TSHZ2: variants seen among roughly 807,000 people sequenced by gnomAD.
TSHZ2 encodes the protein teashirt homolog 2.
Under a neutral mutation model 74.4 loss-of-function variants are expected in TSHZ2, and 21 were observed. The ratio of observed to expected loss-of-function variants is 0.28; its 90% CI spans 0.20 to 0.41. The LOEUF (loss-of-function observed/expected upper bound fraction) is 0.41, where lower values mean the gene tolerates loss of function less well. Among genes scored for constraint, TSHZ2 ranks in the 10% least tolerant of loss-of-function variants. TSHZ2 has a pLI of 1.00. For missense variants in TSHZ2, 1,244 were observed against 1,293.5 expected, an observed-to-expected ratio of 0.96 and a Z score of 0.59; for synonymous variants, 540 against 515.3, an observed-to-expected ratio of 1.05 and a Z score of -0.65.
chr20:53,273,132 A>T (rs58293381), intron 2 of TSHZ2, among the ~76,000 whole-genome samples: 1,604 of 152,330 alleles, frequency 0.011, 36 homozygotes, highest in African/African-American at 0.036. Context: ...GAATTGTGGG[A>T]TGAGCATGGG....
intron 1 of TSHZ2, among the ~76,000 whole-genome samples, chr20:53,167,457 A>G (rs1355744393): frequency 1.3e-5 from 2 of 152,156 alleles, no homozygotes; most frequent in Non-Finnish European, 2.9e-5. Flanking sequence ...CTTCAAACCT[A>G]TGTTTGACCC....
intron 2 of TSHZ2, among the ~76,000 whole-genome samples, chr20:53,401,820 T>C (rs1411176783): frequency 6.7e-6 from 1 of 149,130 alleles, no homozygotes; most frequent in Non-Finnish European, 1.5e-5. Flanking sequence ...TCTTGCTCTG[T>C]TGCCGAGGCT....
intron 1 of TSHZ2, chr20:53,185,484 C>T: frequency 7.3e-7 from 1 of 1,371,710 alleles, no homozygotes; most frequent in Non-Finnish European, 9.5e-7. Flanking sequence ...TCAAGACCAG[C>T]CTGGCCAACA....
chr20:52,980,075 A>G (rs1981504274), intron 1 of TSHZ2, among the ~76,000 whole-genome samples: 1 of 152,246 alleles, frequency 6.6e-6, no homozygotes, highest in African/African-American at 2.4e-5. Flanking sequence ...ACACAGATGT[A>G]AGACACTATA....
chr20:53,185,741 G>GA, intron 1 of TSHZ2: 1 of 1,533,182 alleles, frequency 6.5e-7, no homozygotes, highest in Non-Finnish European at 8.7e-7. Context: ...TTGCTAAATG[G>GA]ATGTTCAGTT....
chr20:53,027,066 G>A (rs1983473576), intron 1 of TSHZ2, among the ~76,000 whole-genome samples: 1 of 151,672 alleles, frequency 6.6e-6, no homozygotes. Context: ...CATTAAGTCA[G>A]TTCAAGTTGT....
At chr20:52,980,753 C>T (rs1026273514) in intron 1 of TSHZ2, among the ~76,000 whole-genome samples, 1 of 152,126 alleles carries the variant, frequency 6.6e-6, no homozygotes, top group Non-Finnish European at 1.5e-5. Context: ...ACCCATGAAA[C>T]CTTGTGACAT....
chr20:53,294,334 A>G (rs1301663915), intron 2 of TSHZ2, among the ~76,000 whole-genome samples: 2 of 152,218 alleles, frequency 1.3e-5, no homozygotes, highest in Non-Finnish European at 2.9e-5. Flanking sequence ...TCCATTAGGT[A>G]AAGTCCTAAT....
intron 1 of TSHZ2, among the ~76,000 whole-genome samples, chr20:53,065,088 C>G (rs530033422): frequency 6.6e-6 from 1 of 152,302 alleles, no homozygotes; most frequent in South Asian, 2.1e-4. Flanking sequence ...TGATCTTTGT[C>G]AATGCACTTA....
rs976083289 is a variant in TSHZ2, at chr20:53,074,904, A to G, written c.40+101571A>G. ...ATCCAGCTCATCAGAAAGAACCCCAACCCTCCCAAGGTATTTGACCTTGCA... is the reference window on the plus strand; with the variant it reads ...ATCCAGCTCATCAGAAAGAACCCCAGCCCTCCCAAGGTATTTGACCTTGCA... On this transcript the variant is annotated intron_variant, in intron 1 of 2. Coordinates refer to ENST00000371497, the MANE Select transcript of TSHZ2 (RefSeq NM_173485.6). This position sits in a 1 kb window ranked among gnomAD's most constrained non-coding sequence, Gnocchi z 5.9. Among the ~76,000 whole-genome samples the G allele has an allele frequency of 3.3e-5, 5 of 152,008 alleles. No homozygotes were observed. The highest frequency in any genetic ancestry group is 1.3e-4 in the Admixed American group (2 of 15,266).
intron 1 of TSHZ2, among the ~76,000 whole-genome samples, chr20:53,105,256 A>C (rs560766273): frequency 6.6e-6 from 1 of 152,288 alleles, no homozygotes; most frequent in Non-Finnish European, 1.5e-5. Context: ...CTTGCTCAAA[A>C]ATCTTTAAAG....
At chr20:53,075,871 A>G (rs1000775193) in intron 1 of TSHZ2, among the ~76,000 whole-genome samples, 6 of 152,126 alleles carry the variant, frequency 3.9e-5, no homozygotes, top group African/African-American at 1.4e-4. Flanking sequence ...CTTTACATGC[A>G]ATGGGAGAGA....
intron 1 of TSHZ2, among the ~76,000 whole-genome samples, chr20:53,171,004 A>G (rs1988187880): frequency 6.6e-6 from 1 of 152,126 alleles, no homozygotes; most frequent in African/African-American, 2.4e-5. Flanking sequence ...ATGTCCTTAC[A>G]GTCTGTCCAG....
Position 53,254,609 on chromosome 20 carries a change from A to C in TSHZ2, c.1151A>C (p.Glu384Ala), listed in dbSNP as rs150768569. The change falls in exon 2 of 3, where the codon GAG becomes GCG. Residue 384 changes from glutamate (E) to alanine (A), a missense_variant. Physicochemically the swap from Glu to Ala is moderately radical, Grantham distance 107. Transcript: ENST00000371497. Reference protein sequence around the residue: ...ACKSQILKCMECGSSHDTLQQ... With the variant: ...ACKSQILKCMACGSSHDTLQQ... ...AAGTCCCAGATCTTAAAGTGCATGG[A>C]GTGTGGGAGCTCCCATGACACCTTG... The C allele has an allele frequency of 6.2e-7, 1 of 1,613,218 alleles. No individual in the cohort carries two copies. Among genetic ancestry groups the C allele is most frequent in the African/African-American group, 1.3e-5 (1 of 74,920 alleles).
intron 1 of TSHZ2, among the ~76,000 whole-genome samples, chr20:53,096,457 G>A (rs769831856): frequency 6.6e-5 from 10 of 151,962 alleles, no homozygotes; most frequent in African/African-American, 9.7e-5. Flanking sequence ...TTGTTTTTTA[G>A]TACAGGTGTG....
At chr20:53,328,452 G>C (rs1387839265) in intron 2 of TSHZ2, among the ~76,000 whole-genome samples, 12 of 152,156 alleles carry the variant, frequency 7.9e-5, no homozygotes, top group Non-Finnish European at 1.5e-5. Context: ...TCACATTATA[G>C]AGGCATAGTA....
At chr20:53,214,265 G>C (rs1397546045) in intron 1 of TSHZ2, among the ~76,000 whole-genome samples, 1 of 152,136 alleles carries the variant, frequency 6.6e-6, no homozygotes, top group Non-Finnish European at 1.5e-5. Context: ...GGGGTGGCAG[G>C]GGGAGAGGGA....
intron 1 of TSHZ2, among the ~76,000 whole-genome samples, chr20:53,150,417 A>C (rs1258054121): frequency 2.6e-5 from 4 of 152,242 alleles, no homozygotes; most frequent in Admixed American, 2.6e-4. Flanking sequence ...ACCTGTTTTT[A>C]TATAGCTGGC....
At chr20:53,330,595 A>G (rs200608) in intron 2 of TSHZ2, among the ~76,000 whole-genome samples, 92,217 of 152,038 alleles carry the variant, frequency 0.61, 29,402 homozygotes, top group African/African-American at 0.79. Context: ...CAGGACATTT[A>G]GGTGGAGATT....
Sources: gnomAD v4.1 joint callset for allele counts (sites outside exome capture counted in the v4.1 genomes callset) on GRCh38, gnomAD v4.1.1 for gene constraint, Gnocchi (gnomAD v3.1) non-coding constraint, MANE v1.5 for transcripts, NCBI Gene and HGNC (gene_info 2026-07-23, HGNC 2026-07-21) for gene names.